Variants in ARMH4 observed in about 807,000 individuals in gnomAD.
The protein encoded by ARMH4 is armadillo-like helical domain-containing protein 4.
In ARMH4, 49 loss-of-function variants were observed where a neutral mutation model predicts 61.9. That is an observed-to-expected ratio of 0.79 (90% CI 0.63 to 1.00). The LOEUF (loss-of-function observed/expected upper bound fraction) is 1.00. Among genes scored for constraint, ARMH4 ranks in the 50% least tolerant of loss-of-function variants. ARMH4 has a pLI of 0.00. For missense variants in ARMH4, 934 were observed against 930.0 expected, an observed-to-expected ratio of 1.00 and a Z score of -0.06; for synonymous variants, 368 against 341.5, an observed-to-expected ratio of 1.08 and a Z score of -0.85.
At chr14:58,033,451 G>GA (rs1308253232) in intron 5 of ARMH4, among the ~76,000 whole-genome samples, 2 of 14,758 alleles carry the variant, frequency 1.4e-4, no homozygotes, top group Non-Finnish European at 2.8e-4. Flanking sequence ...CAAAGATGGG[G>GA]AAAAAACAGA....
intron 5 of ARMH4, among the ~76,000 whole-genome samples, chr14:58,030,768 T>A (rs1223175103): frequency 6.6e-6 from 1 of 152,230 alleles, no homozygotes; most frequent in East Asian, 1.9e-4. Flanking sequence ...TCAAGGTTCA[T>A]CCCTGTCATA....
chr14:58,050,753 T>C (rs1346754377), intron 5 of ARMH4, among the ~76,000 whole-genome samples: 1 of 152,162 alleles, frequency 6.6e-6, no homozygotes, highest in East Asian at 1.9e-4. Flanking sequence ...ATATGCATTG[T>C]TGTGCAGCAA....
At chr14:58,014,574 C>T (rs184146091) in intron 5 of ARMH4, among the ~76,000 whole-genome samples, 7 of 152,190 alleles carry the variant, frequency 4.6e-5, no homozygotes, top group East Asian at 1.9e-4. Context: ...AAGTAAAATA[C>T]GAGTATTTTG....
chr14:58,030,832 G>T (rs1453536657), intron 5 of ARMH4, among the ~76,000 whole-genome samples: 1 of 152,024 alleles, frequency 6.6e-6, no homozygotes, highest in Non-Finnish European at 1.5e-5. Flanking sequence ...TCCTTTTTAT[G>T]GATGAATAAT....
chr14:58,042,000 G>T (rs1232271685), intron 5 of ARMH4, among the ~76,000 whole-genome samples: 1 of 151,998 alleles, frequency 6.6e-6, no homozygotes, highest in South Asian at 2.1e-4. Context: ...AATAATGGGA[G>T]ACTTTAACAC....
At chr14:58,100,924 G>A (rs531787309) in intron 4 of ARMH4, 22 of 153,946 alleles carry the variant, frequency 1.4e-4, no homozygotes, top group Middle Eastern at 5.4e-3. Context: ...GATGACGTGG[G>A]GCCTCCATGC....
intron 5 of ARMH4, among the ~76,000 whole-genome samples, chr14:58,091,213 CAA>C (rs896243416): frequency 7.1e-6 from 1 of 140,948 alleles, no homozygotes; most frequent in Non-Finnish European, 1.6e-5. Flanking sequence ...CTCCATCTCA[CAA>C]AAAAAAAAGG....
At chr14:58,100,666 T>C (rs1885938456) in intron 4 of ARMH4, among the ~76,000 whole-genome samples, 1 of 152,136 alleles carries the variant, frequency 6.6e-6, no homozygotes, top group Non-Finnish European at 1.5e-5. Flanking sequence ...GACTTCCATG[T>C]CTTTATTTTA....
chr14:58,134,919 T>TACACTCC (rs1305594728), intron 2 of ARMH4, among the ~76,000 whole-genome samples: 2 of 133,814 alleles, frequency 1.5e-5, no homozygotes, highest in Non-Finnish European at 3.0e-5. Context: ...ATCATGCCAC[T>TACACTCC]ACACTCCAGC....
chr14:58,144,881 C>CA (rs1009819084), intron 1 of ARMH4, among the ~76,000 whole-genome samples: 1 of 151,440 alleles, frequency 6.6e-6, no homozygotes, highest in African/African-American at 2.4e-5. Flanking sequence ...AAAAAACAAA[C>CA]AAAAAAAATA....
At chr14:58,030,213 A>T (rs1206028750) in intron 5 of ARMH4, among the ~76,000 whole-genome samples, 3 of 152,066 alleles carry the variant, frequency 2.0e-5, no homozygotes, top group Non-Finnish European at 4.4e-5. Flanking sequence ...TATTCCATTC[A>T]CCCATACTTC....
intron 4 of ARMH4, among the ~76,000 whole-genome samples, chr14:58,123,298 G>A (rs1886788091): frequency 6.6e-6 from 1 of 152,068 alleles, no homozygotes; most frequent in Admixed American, 6.5e-5. Context: ...CCAACAGAAG[G>A]ACAATATGGA....
At chr14:58,011,697 G>A (rs1220163711) in intron 6 of ARMH4, among the ~76,000 whole-genome samples, 1 of 150,710 alleles carries the variant, frequency 6.6e-6, no homozygotes, top group East Asian at 2.0e-4. Flanking sequence ...TTCCAGACAG[G>A]TCAGCTAATC....
chr14:58,150,985 T>C (rs1837952022), intron 1 of ARMH4, among the ~76,000 whole-genome samples: 4 of 152,132 alleles, frequency 2.6e-5, no homozygotes, highest in Non-Finnish European at 5.9e-5. Flanking sequence ...TACACCAAAA[T>C]AAAGAGAAGG....
intron 5 of ARMH4, among the ~76,000 whole-genome samples, chr14:58,048,869 G>A (rs1884027732): frequency 6.6e-6 from 1 of 152,080 alleles, no homozygotes; most frequent in Admixed American, 6.6e-5. Flanking sequence ...TTCATAAATG[G>A]GAAAACGAAC....
chr14:58,072,653 C>G (rs1884919541), intron 5 of ARMH4, among the ~76,000 whole-genome samples: 1 of 151,450 alleles, frequency 6.6e-6, no homozygotes, highest in Admixed American at 6.6e-5. Flanking sequence ...ACCCAGGAGG[C>G]GGAGGTTGCA....
intron 2 of ARMH4, among the ~76,000 whole-genome samples, chr14:58,134,697 CTG>C (rs1342842956): frequency 9.9e-5 from 15 of 152,068 alleles, no homozygotes; most frequent in African/African-American, 3.6e-4. Flanking sequence ...TGGCTCATGC[CTG>C]TAATACCAGC....
At chr14:58,036,402 A>T (rs1883485779) in intron 5 of ARMH4, among the ~76,000 whole-genome samples, 1 of 58,084 alleles carries the variant, frequency 1.7e-5, no homozygotes, top group Non-Finnish European at 3.6e-5. Flanking sequence ...GACGTATTTC[A>T]AAATAATAAG....
At chr14:58,032,324 T>C (rs1883274096) in intron 5 of ARMH4, among the ~76,000 whole-genome samples, 1 of 152,164 alleles carries the variant, frequency 6.6e-6, no homozygotes. Context: ...TCTCATATAT[T>C]AGGAGCCCAA....
Sources: gnomAD v4.1 joint callset for allele counts (sites outside exome capture counted in the v4.1 genomes callset) on GRCh38, gnomAD v4.1.1 for gene constraint, MANE v1.5 for transcripts, NCBI Gene and HGNC (gene_info 2026-07-23, HGNC 2026-07-21) for gene names.